JMJD1C: variants seen among roughly 807,000 people sequenced by gnomAD.
JMJD1C encodes jumonji domain containing 1C, also known as jumonji domain-containing protein 1C.
Under a neutral mutation model 245.3 loss-of-function variants are expected in JMJD1C, and 31 were observed. The ratio of observed to expected loss-of-function variants is 0.13; its 90% confidence interval spans 0.09 to 0.17. The LOEUF (loss-of-function observed/expected upper bound fraction) is 0.17. Ranked by LOEUF, JMJD1C falls within the 10% of genes least tolerant of loss-of-function variation. JMJD1C has a pLI of 1.00. For synonymous variants in JMJD1C, 1,057 were observed against 1,017.4 expected, an observed-to-expected ratio of 1.04 and a Z score of -0.74; for missense variants, 2,691 against 3,000.2, an observed-to-expected ratio of 0.90 and a Z score of 2.41.
intron 1 of JMJD1C, among the ~76,000 whole-genome samples, chr10:63,422,560 A>G (rs2132754929): frequency 6.6e-6 from 1 of 152,354 alleles, no homozygotes; most frequent in East Asian, 1.9e-4. Context: ...TTTCTTCAGA[A>G]CATTAATTCT....
Position 63,370,486 on chromosome 10 carries a change from T to A in JMJD1C, c.333+9832A>T, listed in dbSNP as rs540180461. On this transcript the variant is annotated intron_variant, in intron 2 of 25. Transcript: ENST00000399262. ...GAGTATAAATGACATTAACAGTAAA[T>A]GGAAGAATCAGGATTTGAACCAAGA... Among the ~76,000 whole-genome samples, 54 of 152,216 alleles carry A rather than the reference T, an allele frequency of 3.5e-4. 1 individual carries two copies. Among genetic ancestry groups the A allele is most frequent in the Non-Finnish European group, 5.9e-4 (40 of 68,022 alleles).
At chr10:63,418,970 A>T (rs1289574700) in intron 1 of JMJD1C, among the ~76,000 whole-genome samples, 3 of 151,028 alleles carry the variant, frequency 2.0e-5, no homozygotes, top group Non-Finnish European at 4.4e-5. Context: ...CCAGCTACTC[A>T]GAAGGCTGAG....
At chr10:63,465,303 A>G (rs913169163) in intron 1 of JMJD1C, 192 bp downstream of exon 1, 19 of 636,932 alleles carry the variant, frequency 3.0e-5, no homozygotes, top group Non-Finnish European at 4.8e-5. Flanking sequence ...CACCACCTCC[A>G]CAGGGGAAGC....
At chr10:63,322,823 A>G (rs866361397) in intron 2 of JMJD1C, among the ~76,000 whole-genome samples, 1 of 121,698 alleles carries the variant, frequency 8.2e-6, no homozygotes, top group African/African-American at 2.9e-5. Context: ...AAAAAAAAAA[A>G]CTTTTTTTTT....
intron 4 of JMJD1C, chr10:63,217,563 G>A (rs138400195): frequency 6.9e-6 from 2 of 290,824 alleles, no homozygotes; most frequent in African/African-American, 4.3e-5. Flanking sequence ...TACTTTAAGA[G>A]AGAAGGAAGG....
Position 63,311,486 on chromosome 10 carries a change from C to A in JMJD1C, c.334-46722G>T, listed in dbSNP as rs546386700. On this transcript the variant is annotated intron_variant, in intron 2 of 25. Transcript: ENST00000399262. ...TGGAGAAAAGTAAAAAACAATTACT[C>A]CAACATTGTGTCTAAAAAGAAAAAC... Among the ~76,000 whole-genome samples, 10 of 152,174 alleles carry A rather than the reference C, an allele frequency of 6.6e-5. No homozygotes were observed. In the South Asian group the frequency reaches 2.1e-3, roughly 32 times the overall value.
intron 2 of JMJD1C, among the ~76,000 whole-genome samples, chr10:63,375,633 C>CATGA (rs1280337251): frequency 1.3e-5 from 2 of 151,936 alleles, no homozygotes; most frequent in African/African-American, 4.8e-5. Context: ...TCACTGCAGC[C>CATGA]ATGAACTCCT....
At chr10:63,495,601 C>T (rs543480436) in intron 1 of JMJD1C, among the ~76,000 whole-genome samples, 4 of 151,970 alleles carry the variant, frequency 2.6e-5, no homozygotes, top group East Asian at 1.9e-4. Flanking sequence ...GTGAAACCCC[C>T]GTCTCTACTA....
At chr10:63,310,110 A>T (rs1938958630) in intron 2 of JMJD1C, among the ~76,000 whole-genome samples, 1 of 152,090 alleles carries the variant, frequency 6.6e-6, no homozygotes, top group South Asian at 2.1e-4. Flanking sequence ...AAATTTGCAA[A>T]CTTTATAGAA....
At chr10:63,171,278 C>T (rs948665705) in intron 24 of JMJD1C, among the ~76,000 whole-genome samples, 2 of 85,014 alleles carry the variant, frequency 2.4e-5, no homozygotes, top group African/African-American at 5.8e-5. Context: ...GGTCATTGCT[C>T]TGTGGAGGGA....
At chr10:63,200,124 G>GC (rs1845860648) in intron 11 of JMJD1C, among the ~76,000 whole-genome samples, 1 of 152,004 alleles carries the variant, frequency 6.6e-6, no homozygotes, top group South Asian at 2.1e-4. Flanking sequence ...TTGAACTCTT[G>GC]CAAGTCTACC....
At chr10:63,232,069 C>T (rs918900398) in intron 3 of JMJD1C, among the ~76,000 whole-genome samples, 1 of 152,240 alleles carries the variant, frequency 6.6e-6, no homozygotes, top group East Asian at 1.9e-4. Context: ...AATTCCTGAC[C>T]TCATGTGATC....
intron 3 of JMJD1C, among the ~76,000 whole-genome samples, chr10:63,224,461 C>A (rs923621284): frequency 2.0e-5 from 3 of 152,138 alleles, no homozygotes; most frequent in Non-Finnish European, 4.4e-5. Flanking sequence ...TGAATTCCTC[C>A]CCCTCGTCTA....
chr10:63,499,612 A>T (rs1473753912), intron 1 of JMJD1C, among the ~76,000 whole-genome samples: 1 of 152,174 alleles, frequency 6.6e-6, no homozygotes, highest in African/African-American at 2.4e-5. Flanking sequence ...CAGTTTAGAG[A>T]ATACTGAAGG....
intron 2 of JMJD1C, among the ~76,000 whole-genome samples, chr10:63,271,407 G>A (rs1856281053): frequency 6.6e-6 from 1 of 151,866 alleles, no homozygotes; most frequent in South Asian, 2.1e-4. Flanking sequence ...CGGATCCCTG[G>A]CCTCAAATGA....
intron 3 of JMJD1C, among the ~76,000 whole-genome samples, chr10:63,244,960 A>G (rs1466722311): frequency 1.3e-5 from 2 of 152,026 alleles, no homozygotes; most frequent in Non-Finnish European, 2.9e-5. Context: ...AACATGGTGA[A>G]ACCCCACTTC....
chr10:63,301,219 C>T (rs1264051376), intron 2 of JMJD1C, among the ~76,000 whole-genome samples: 8 of 152,102 alleles, frequency 5.3e-5, no homozygotes, highest in Non-Finnish European at 8.8e-5. Flanking sequence ...TTTGCCATAT[C>T]GTCCAGACTG....
At chr10:63,295,122 G>C (rs7098385) in intron 2 of JMJD1C, among the ~76,000 whole-genome samples, 2 of 152,070 alleles carry the variant, frequency 1.3e-5, no homozygotes, top group Non-Finnish European at 2.9e-5. Context: ...GGATCTCTCC[G>C]TGTCGTTGGG....
intron 1 of JMJD1C, among the ~76,000 whole-genome samples, chr10:63,519,053 C>T (rs773133351): frequency 9.9e-5 from 15 of 152,188 alleles, no homozygotes; most frequent in Non-Finnish European, 1.8e-4. Context: ...GTCAGAATGA[C>T]TCAATGACAC....
Sources: allele counts gnomAD v4.1 joint callset (sites outside exome capture counted in the v4.1 genomes callset), GRCh38; gene constraint gnomAD v4.1.1; transcripts MANE v1.5; gene names NCBI Gene and HGNC (gene_info 2026-07-23, HGNC 2026-07-21).